PTER: variants seen among roughly 807,000 people sequenced by gnomAD.
The protein encoded by PTER is phosphotriesterase related.
PTER carries 38 observed loss-of-function variants against 29.6 expected under a neutral mutation model. That is an observed-to-expected ratio of 1.28 (90% confidence interval 0.99 to 1.68). The LOEUF (loss-of-function observed/expected upper bound fraction) is 1.68, where lower values mean the gene tolerates loss of function less well. Ranked by LOEUF, PTER falls within the 40% of genes most tolerant of loss-of-function variation. PTER has a pLI of 0.00. For synonymous variants in PTER, 172 were observed against 154.5 expected (o/e 1.11, Z -0.84); for missense variants, 482 against 427.8 (o/e 1.13, Z -1.12).
At chr10:16,499,253 C>G (rs1274301488) in intron 3 of PTER, among the ~76,000 whole-genome samples, 1 of 151,848 alleles carries the variant, frequency 6.6e-6, no homozygotes, top group Non-Finnish European at 1.5e-5. Context: ...TCTTGTTTCC[C>G]GTCCCACCCC....
intron 3 of PTER, among the ~76,000 whole-genome samples, chr10:16,490,484 T>C (rs1373578923): frequency 6.6e-6 from 1 of 152,070 alleles, no homozygotes; most frequent in Non-Finnish European, 1.5e-5. Context: ...TCTGTCTTAC[T>C]TGGTTCATTA....
At chr10:16,473,254 C>A (rs973864713) in intron 1 of PTER, among the ~76,000 whole-genome samples, 1 of 151,994 alleles carries the variant, frequency 6.6e-6, no homozygotes, top group Non-Finnish European at 1.5e-5. Context: ...CACCTCTAAC[C>A]TGACGAAGCC....
chr10:16,452,384 T>C (rs115081626), intron 1 of PTER, among the ~76,000 whole-genome samples: 2,712 of 149,376 alleles, frequency 0.018, 88 homozygotes, highest in African/African-American at 0.064. Context: ...GCAACCTGCA[T>C]CTCTCAGGCT....
chr10:16,507,870 T>C (rs540011552), intron 4 of PTER, among the ~76,000 whole-genome samples: 21 of 152,166 alleles, frequency 1.4e-4, no homozygotes, highest in Non-Finnish European at 2.8e-4. Flanking sequence ...AGGAACCCGA[T>C]TCAATACAGG....
chr10:16,511,161 A>G lies in PTER; in HGVS notation c.955A>G (p.Asn319Asp), dbSNP rs751938533. 3 of 1,614,132 alleles carry G rather than the reference A, an allele frequency of 1.9e-6. No individual in the cohort carries two copies. In the East Asian group the frequency reaches 6.7e-5, roughly 36 times the overall value. ...TCACGGCTATTCTCATATACTCACC[A>G]ATGTTGTTCCTAAAATGTTGCTGAG... is the stretch of plus-strand genomic sequence containing the variant. ...GGHGYSHILTNVVPKMLLRGI... is the reference protein window; with the variant it reads ...GGHGYSHILTDVVPKMLLRGI... The change falls in exon 5 of 5, where the codon AAT (asparagine) becomes GAT (aspartate). Residue 319 changes from asparagine (N) to aspartate (D), a missense_variant. Asn to Asp is a conservative substitution (Grantham distance 23). Transcript: ENST00000535784.
intron 1 of PTER, among the ~76,000 whole-genome samples, chr10:16,470,855 A>G (rs993144102): frequency 1.4e-4 from 21 of 152,196 alleles, no homozygotes; most frequent in African/African-American, 4.8e-4. Context: ...ATCTTTACTT[A>G]CAATTTATTG....
chr10:16,499,719 C>T (rs1026976724), intron 3 of PTER, among the ~76,000 whole-genome samples: 1 of 152,100 alleles, frequency 6.6e-6, no homozygotes, highest in African/African-American at 2.4e-5. Context: ...GCTGGGATTA[C>T]AAGCATGAGC....
intron 1 of PTER, among the ~76,000 whole-genome samples, chr10:16,462,574 T>TC (rs1343276075): frequency 1.3e-5 from 2 of 149,832 alleles, no homozygotes; most frequent in South Asian, 4.2e-4. Context: ...AATCTACTTT[T>TC]TTTTTTTTTT....
At chr10:16,482,470 A>T (rs73595334) in intron 1 of PTER, among the ~76,000 whole-genome samples, 2,390 of 152,326 alleles carry the variant, frequency 0.016, 54 homozygotes, top group African/African-American at 0.053. Context: ...TGCCAAATGC[A>T]TCTACAGGTA....
chr10:16,447,435 C>T (rs779176807), intron 1 of PTER, among the ~76,000 whole-genome samples: 9 of 152,042 alleles, frequency 5.9e-5, no homozygotes, highest in Non-Finnish European at 8.8e-5. Flanking sequence ...TTTCGTAATG[C>T]ATTATGTAGT....
rs188984677 is a variant in PTER, at chr10:16,477,496, T to C, written c.-48-6841T>C. On this transcript the variant is annotated intron_variant, in intron 1 of 4. Transcript: ENST00000535784. Reference sequence around the variant, plus strand: ...CCAGCCTAAAATATACATTTAAAAATCCATTGTGCAAGTATAGCTTTCATT... The same window carrying C: ...CCAGCCTAAAATATACATTTAAAAACCCATTGTGCAAGTATAGCTTTCATT... Among the ~76,000 whole-genome samples the C allele has an allele frequency of 3.9e-5, 6 of 152,254 alleles. No individual in the cohort carries two copies. In the East Asian group the frequency reaches 1.2e-3, roughly 29 times the overall value.
At chr10:16,457,404 G>A (rs1015057635) in intron 1 of PTER, among the ~76,000 whole-genome samples, 3 of 152,056 alleles carry the variant, frequency 2.0e-5, no homozygotes, top group African/African-American at 7.2e-5. Flanking sequence ...TAGTAGAGAC[G>A]GGGTTTCACC....
intron 1 of PTER, among the ~76,000 whole-genome samples, chr10:16,443,773 C>T (rs1176981135): frequency 1.3e-5 from 2 of 152,254 alleles, no homozygotes; most frequent in East Asian, 1.9e-4. Flanking sequence ...CCAAAAATTT[C>T]CTCTCCGAAT....
intron 2 of PTER, among the ~76,000 whole-genome samples, chr10:16,485,691 T>C (rs11254022): frequency 0.57 from 87,173 of 152,014 alleles, 26,277 homozygotes; most frequent in East Asian, 0.84. Context: ...TCCAACCACT[T>C]TTAGTGGTAA....
chr10:16,508,350 G>A (rs1387891951), intron 4 of PTER, among the ~76,000 whole-genome samples: 2 of 152,056 alleles, frequency 1.3e-5, no homozygotes, highest in Non-Finnish European at 2.9e-5. Flanking sequence ...TTACATGTGT[G>A]AGCCACCGCG....
chr10:16,444,288 C>T (rs12411360), intron 1 of PTER, among the ~76,000 whole-genome samples: 17,892 of 151,960 alleles, frequency 0.12, 1,580 homozygotes, highest in African/African-American at 0.23. Context: ...CCACCGCACC[C>T]GGCCTCTTTT....
chr10:16,477,386 A>G (rs1835318058), intron 1 of PTER, among the ~76,000 whole-genome samples: 1 of 152,038 alleles, frequency 6.6e-6, no homozygotes, highest in African/African-American at 2.4e-5. Flanking sequence ...CATGTTGGCC[A>G]GGCTAGTATT....
At chr10:16,503,065 C>CTTTTTTT (rs541383811) in intron 3 of PTER, among the ~76,000 whole-genome samples, 4 of 69,420 alleles carry the variant, frequency 5.8e-5, no homozygotes, top group East Asian at 5.1e-4. Flanking sequence ...CATGATAGTG[C>CTTTTTTT]TTTTTTTTTT....
chr10:16,511,124 G>T lies in PTER; in HGVS notation c.918G>T (p.Met306Ile). The change falls in exon 5 of 5, where the codon ATG (methionine) becomes ATT (isoleucine). Residue 306 changes from methionine to isoleucine, a missense_variant. Transcript: ENST00000535784. The stretch of plus-strand genomic sequence containing the variant: ...ACATACATACGAAAACCCGGCTGAT[G>T]AAATATGGAGGTCACGGCTATTCTC... ...AHDIHTKTRL[M>I]KYGGHGYSHI... 6.2e-7 allele frequency: 1 copy of T among 1,614,142 alleles called. No individual in the cohort carries two copies. Among genetic ancestry groups the T allele is most frequent in the Non-Finnish European group, 8.5e-7 (1 of 1,180,012 alleles).
Sources: gnomAD v4.1 joint callset for allele counts (sites outside exome capture counted in the v4.1 genomes callset) on GRCh38, gnomAD v4.1.1 for gene constraint, MANE v1.5 for transcripts, NCBI Gene and HGNC (gene_info 2026-07-23, HGNC 2026-07-21) for gene names.